The following SPOCK1 variants were observed in gnomAD, a reference collection of about 807,000 sequenced individuals.
The protein encoded by SPOCK1 is testican-1.
In SPOCK1, 23 loss-of-function variants were observed where a neutral mutation model predicts 55.3. The ratio of observed to expected loss-of-function variants is 0.42; its 90% confidence interval spans 0.30 to 0.59. SPOCK1 has a LOEUF of 0.59. SPOCK1 is among the 20% of genes least tolerant of loss of function. The pLI is 0.22. For synonymous variants in SPOCK1, 226 were observed against 221.0 expected (o/e 1.02, Z -0.20); for missense variants, 499 against 552.5 (o/e 0.90, Z 0.97).
intron 3 of SPOCK1, among the ~76,000 whole-genome samples, chr5:137,170,801 T>C (rs1354146972): frequency 3.9e-5 from 6 of 152,196 alleles, no homozygotes; most frequent in Non-Finnish European, 1.5e-5. Context: ...TGGTATTTTG[T>C]TGTGGCAGCG....
At chr5:137,227,074 G>A (rs1755960762) in intron 3 of SPOCK1, among the ~76,000 whole-genome samples, 1 of 152,308 alleles carries the variant, frequency 6.6e-6, no homozygotes, top group Non-Finnish European at 1.5e-5. Context: ...TTGTGACAAG[G>A]GGACAAAACA....
At chr5:137,262,781 C>A (rs1314100411) in intron 3 of SPOCK1, among the ~76,000 whole-genome samples, 1 of 152,092 alleles carries the variant, frequency 6.6e-6, no homozygotes, top group Non-Finnish European at 1.5e-5. Context: ...CTTGGAAGGC[C>A]ACCAGAAAGG....
chr5:137,014,200 T>G (rs1389282026), intron 6 of SPOCK1, among the ~76,000 whole-genome samples: 9 of 152,148 alleles, frequency 5.9e-5, no homozygotes, highest in Admixed American at 3.9e-4. Flanking sequence ...GTTCTGTTTT[T>G]GCCATGGGAT....
chr5:137,066,112 T>C (rs1752501194), intron 6 of SPOCK1, among the ~76,000 whole-genome samples: 1 of 152,200 alleles, frequency 6.6e-6, no homozygotes, highest in African/African-American at 2.4e-5. Flanking sequence ...TTGTAGATGC[T>C]ACAGGCAAAA....
At chr5:137,083,138 G>A (rs1752902502) in intron 5 of SPOCK1, among the ~76,000 whole-genome samples, 1 of 152,182 alleles carries the variant, frequency 6.6e-6, no homozygotes. Flanking sequence ...ATTCTGCACT[G>A]CAAAGTAATA....
At position 137,477,007 on chromosome 5, in the gene SPOCK1, G is replaced by A. The variant is rs559076963; in HGVS notation, c.186+21366C>T. ...AAATATATGCCAAGGAAATAATAAA[G>A]ATGAACAAAGATTTAATCACCGAAA... On this transcript the variant is annotated intron_variant, in intron 2 of 10. Transcript: ENST00000394945. 1.3e-4 allele frequency among the ~76,000 whole-genome samples: 20 copies of A among 152,220 alleles called. No homozygotes were observed. The South Asian group carries it at 2.3e-3, about 17-fold the overall frequency.
chr5:137,191,660 C>T (rs116796705), intron 3 of SPOCK1, among the ~76,000 whole-genome samples: 1 of 152,136 alleles, frequency 6.6e-6, no homozygotes, highest in Non-Finnish European at 1.5e-5. Flanking sequence ...TCAGGTAAAA[C>T]AGGCTTGGAG....
intron 3 of SPOCK1, among the ~76,000 whole-genome samples, chr5:137,188,886 C>T (rs546633081): frequency 5.3e-4 from 81 of 152,332 alleles, no homozygotes; most frequent in Non-Finnish European, 1.0e-3. Flanking sequence ...CCAGTGAACA[C>T]ACAAATTACA....
intron 2 of SPOCK1, among the ~76,000 whole-genome samples, chr5:137,268,219 G>C (rs1756894387): frequency 6.6e-6 from 1 of 152,092 alleles, no homozygotes; most frequent in Admixed American, 6.6e-5. Flanking sequence ...ATAGATTTTA[G>C]GAAACTAGCT....
intron 3 of SPOCK1, among the ~76,000 whole-genome samples, chr5:137,248,025 T>C (rs566816030): frequency 3.9e-4 from 60 of 152,180 alleles, no homozygotes; most frequent in Non-Finnish European, 7.3e-4. Flanking sequence ...ATCTAAAATA[T>C]AGCAGTTTTA....
intron 2 of SPOCK1, among the ~76,000 whole-genome samples, chr5:137,293,479 A>T (rs1017755460): frequency 3.1e-4 from 35 of 111,386 alleles, no homozygotes; most frequent in African/African-American, 1.4e-3. Context: ...CCTGCATCAG[A>T]ATCACAGAGG....
At chr5:137,276,455 G>T (rs1389551147) in intron 2 of SPOCK1, among the ~76,000 whole-genome samples, 2 of 152,204 alleles carry the variant, frequency 1.3e-5, no homozygotes, top group Non-Finnish European at 1.5e-5. Context: ...GTAGAAGCTG[G>T]CTACTCCTCT....
intron 5 of SPOCK1, among the ~76,000 whole-genome samples, chr5:137,091,679 C>G (rs1332322370): frequency 6.6e-6 from 1 of 152,152 alleles, no homozygotes; most frequent in African/African-American, 2.4e-5. Flanking sequence ...ACTGGCCCTC[C>G]CCTTCAAACA....
chr5:137,078,439 C>A (rs1318815991), intron 5 of SPOCK1, among the ~76,000 whole-genome samples: 2 of 152,130 alleles, frequency 1.3e-5, no homozygotes, highest in Admixed American at 1.3e-4. Flanking sequence ...AGGTGGAGGG[C>A]AAGTTGAGGT....
intron 6 of SPOCK1, among the ~76,000 whole-genome samples, chr5:137,044,774 C>A (rs1752077375): frequency 6.8e-6 from 1 of 147,678 alleles, no homozygotes; most frequent in Non-Finnish European, 1.5e-5. Context: ...GGTATATCTC[C>A]CAATGCTATC....
intron 2 of SPOCK1, among the ~76,000 whole-genome samples, chr5:137,380,205 T>C (rs929838364): frequency 6.6e-6 from 1 of 152,174 alleles, no homozygotes; most frequent in African/African-American, 2.4e-5. Flanking sequence ...GGAGTAGAGA[T>C]GGTGGCGGCC....
In SPOCK1 at chr5:137,283,940, A is replaced by G. The variant is rs181023895; in HGVS notation, c.187-16885T>C. Among the ~76,000 whole-genome samples the G allele has an allele frequency of 3.3e-5, 5 of 152,326 alleles. No individual in the cohort carries two copies. The East Asian group carries it at 9.6e-4, about 29-fold the overall frequency. On this transcript the variant is annotated intron_variant, in intron 2 of 10. Coordinates refer to ENST00000394945, the MANE Select transcript of SPOCK1 (RefSeq NM_004598.4). ...CCTTGCCATTTTCTAAGCAGAAACC[A>G]AGAAACTGTAACTTGAGCCTGTGTT...
intron 2 of SPOCK1, among the ~76,000 whole-genome samples, chr5:137,404,278 A>T (rs1317952242): frequency 1.3e-5 from 2 of 152,204 alleles, no homozygotes; most frequent in Non-Finnish European, 2.9e-5. Context: ...CTGTCTCCAA[A>T]AGGGATCATG....
intron 6 of SPOCK1, among the ~76,000 whole-genome samples, chr5:137,053,782 A>G (rs1752252832): frequency 6.6e-6 from 1 of 152,212 alleles, no homozygotes; most frequent in Admixed American, 6.5e-5. Flanking sequence ...GTTTGTTATA[A>G]AAGCAAAAGC....
Sources: allele counts gnomAD v4.1 joint callset (sites outside exome capture counted in the v4.1 genomes callset), GRCh38; gene constraint gnomAD v4.1.1; transcripts MANE v1.5; gene names NCBI Gene and HGNC (gene_info 2026-07-23, HGNC 2026-07-21).